Variants in ACSBG1 observed in about 807,000 individuals in gnomAD.
ACSBG1 encodes long-chain-fatty-acid--CoA ligase ACSBG1.
Under a neutral mutation model 80.2 loss-of-function variants are expected in ACSBG1, and 39 were observed. That is an observed-to-expected ratio of 0.49 (90% CI 0.38 to 0.64). The LOEUF is 0.64. Ranked by LOEUF, ACSBG1 falls within the 30% of genes least tolerant of loss-of-function variation. The probability of loss-of-function intolerance (pLI) is 0.00; values close to 1 mark genes in which losing one functional copy is unlikely to be tolerated. For missense variants in ACSBG1, 828 were observed against 966.4 expected (o/e 0.86, Z 1.90); for synonymous variants, 392 against 379.5 (o/e 1.03, Z -0.38).
At chr15:78,217,240 T>C (rs2075319553) in intron 1 of ACSBG1, among the ~76,000 whole-genome samples, 1 of 152,208 alleles carries the variant, frequency 6.6e-6, no homozygotes, top group African/African-American at 2.4e-5. Flanking sequence ...CAGACAATGT[T>C]TTATGCACCT....
chr15:78,221,049 C>T (rs1381338271), intron 1 of ACSBG1, among the ~76,000 whole-genome samples: 1 of 152,212 alleles, frequency 6.6e-6, no homozygotes, highest in African/African-American at 2.4e-5. Context: ...ATTAAAACAA[C>T]CCTGAAGGGG....
At chr15:78,179,517 G>C in intron 10 of ACSBG1, 33 bp downstream of exon 10, 1 of 1,583,156 alleles carries the variant, frequency 6.3e-7, no homozygotes, top group Non-Finnish European at 8.7e-7. Context: ...AGGGCGCATG[G>C]GTGTGCATGT....
At chr15:78,191,133 C>G (rs28528750) in intron 5 of ACSBG1, among the ~76,000 whole-genome samples, 15,610 of 152,158 alleles carry the variant, frequency 0.1, 988 homozygotes, top group South Asian at 0.21. Context: ...AGGCAAAATA[C>G]TTTTGGAACA....
At position 78,173,605 on chromosome 15, in the gene ACSBG1, C is replaced by T. The variant is rs757257520; in HGVS notation, c.2077G>A (p.Gly693Ser). The T allele has an allele frequency of 1.9e-6, 3 of 1,614,168 alleles. No homozygotes were observed. The highest frequency in any genetic ancestry group is 3.3e-5 in the Admixed American group (2 of 60,024). ...AILERDFSIS[G>S]GELGPTMKLK... ...AGGAAAAACCTACCCAACTCTCCAC[C>T]CGAAATGGAGAAGTCTCTCTCGAGA... The change falls in exon 13 of 14, where the codon GGT (glycine) becomes AGT (serine). Residue 693 changes from glycine to serine, a missense_variant. Transcript: ENST00000258873.
chr15:78,215,967 G>A (rs1488074981), intron 1 of ACSBG1, among the ~76,000 whole-genome samples: 3 of 152,166 alleles, frequency 2.0e-5, no homozygotes, highest in Non-Finnish European at 4.4e-5. Flanking sequence ...TTCAAAGCTC[G>A]CCTTCTCTGG....
chr15:78,226,700 C>A, intron 1 of ACSBG1: 1 of 151,544 alleles, frequency 6.6e-6, no homozygotes. Flanking sequence ...GGAAGAAAAT[C>A]AAGAAATAGG....
At chr15:78,179,042 G>A in intron 10 of ACSBG1, 1 of 582,898 alleles carries the variant, frequency 1.7e-6, no homozygotes, top group Non-Finnish European at 3.0e-6. Flanking sequence ...CAAATGAAAT[G>A]GTAATGGTAG....
chr15:78,181,978 G>A lies in ACSBG1; in HGVS notation c.1062C>T (p.Asp354=), dbSNP rs745876684. The A allele has an allele frequency of 1.8e-5, 29 of 1,613,672 alleles. No homozygotes were observed. The highest frequency in any genetic ancestry group is 1.6e-4 in the Middle Eastern group (1 of 6,080). The change falls in exon 8 of 14, where the codon GAC becomes GAT. Residue 354 remains aspartate, a synonymous_variant. Coordinates refer to ENST00000258873, the MANE Select transcript of ACSBG1 (RefSeq NM_015162.5). ...GTAAAGGCAGACTGACCTTCAGGGCGTCGGGTTCGGCAAAGCAAACCTGGG... is the reference window on the plus strand; with the variant it reads ...GTAAAGGCAGACTGACCTTCAGGGCATCGGGTTCGGCAAAGCAAACCTGGG... The part of the protein sequence containing the change: ...WGAQVCFAEP[D]ALKGSLVNTL...
At chr15:78,215,654 AAAAG>A (rs1567096139) in intron 1 of ACSBG1, among the ~76,000 whole-genome samples, 1 of 151,728 alleles carries the variant, frequency 6.6e-6, no homozygotes, top group Non-Finnish European at 1.5e-5. Context: ...AAAACTTCGA[AAAAG>A]AAAGAAAAGA....
rs956296842 is a variant in ACSBG1, at chr15:78,221,688, G to A, written c.131+12683C>T. Reference sequence around the variant, plus strand: ...AGGCCATATCTCAGGCTGTCTCAGTGGGGGGAAACTTTGGACAATACCCAG... The same window carrying A: ...AGGCCATATCTCAGGCTGTCTCAGTAGGGGGAAACTTTGGACAATACCCAG... On this transcript the variant is annotated intron_variant, in intron 1 of 13. Transcript: ENST00000258873. Among the ~76,000 whole-genome samples the A allele has an allele frequency of 3.3e-5, 5 of 152,122 alleles. No homozygotes were observed. In the South Asian group the frequency reaches 6.2e-4, roughly 19 times the overall value.
rs771299655 is a variant in ACSBG1, at chr15:78,234,506, C to T, written c.-5G>A. 4 of 1,609,134 alleles carry T rather than the reference C, an allele frequency of 2.5e-6. No individual in the cohort carries two copies. In the South Asian group the frequency reaches 3.3e-5, roughly 13 times the overall value. On this transcript the variant is annotated 5_prime_UTR_variant, in exon 1 of 14. Transcript: ENST00000258873. ...AGCTCCAGAATTGCGTGGCATCTGC[C>T]TCGGGCTTCCACTGAAGACAGCTCA...
In ACSBG1 at chr15:78,172,183, C is replaced by G. The variant is rs2074832279; in HGVS notation, c.2090-654G>C. Among the ~76,000 whole-genome samples the G allele has an allele frequency of 6.6e-6, 1 of 152,262 alleles. No individual in the cohort carries two copies. The highest frequency in any genetic ancestry group is 2.1e-4 in the South Asian group (1 of 4,836). ...TGACTGTAATCCCGTGAGACCCAAG[C>G]CAGAACCACTCAGCTAAGCTGTTCC... On this transcript the variant is annotated intron_variant, in intron 13 of 13. Coordinates refer to ENST00000258873, the MANE Select transcript of ACSBG1 (RefSeq NM_015162.5). The surrounding 1 kb of genome is among the most constrained non-coding windows in gnomAD (Gnocchi z 4.1).
chr15:78,204,235 C>A (rs934796731), intron 2 of ACSBG1, among the ~76,000 whole-genome samples: 7 of 152,376 alleles, frequency 4.6e-5, no homozygotes, highest in African/African-American at 1.4e-4. Flanking sequence ...CGCTTCTCCA[C>A]AGTCATTGTT....
intron 8 of ACSBG1, 79 bp downstream of exon 8, chr15:78,181,890 T>A: frequency 6.5e-7 from 1 of 1,528,238 alleles, no homozygotes; most frequent in Non-Finnish European, 8.9e-7. Context: ...CACACACAAA[T>A]GCACTCAGGG....
intron 5 of ACSBG1, among the ~76,000 whole-genome samples, chr15:78,191,225 G>A (rs530235151): frequency 1.2e-4 from 18 of 152,254 alleles, no homozygotes; most frequent in African/African-American, 3.6e-4. Flanking sequence ...ATCTAAACAC[G>A]TATATGCCTA....
rs556016906 is a variant in ACSBG1 at position 78,172,566 on chromosome 15, A to T, written c.2089+1027T>A. On this transcript the variant is annotated intron_variant, in intron 13 of 13. Coordinates refer to ENST00000258873, the MANE Select transcript of ACSBG1 (RefSeq NM_015162.5). This position sits in a 1 kb window ranked among gnomAD's most constrained non-coding sequence, Gnocchi z 4.1. ...TGTGTAACTGGAAACTTTCTGTGTT[A>T]AAGTCATTATATTAACTGCTTAGTG... Among the ~76,000 whole-genome samples the T allele has an allele frequency of 6.6e-6, 1 of 152,348 alleles. No individual in the cohort carries two copies. The highest frequency in any genetic ancestry group is 6.5e-5 in the Admixed American group (1 of 15,302).
intron 10 of ACSBG1, chr15:78,179,044 T>G: frequency 1.7e-6 from 1 of 578,106 alleles, no homozygotes; most frequent in Non-Finnish European, 3.1e-6. Context: ...AATGAAATGG[T>G]AATGGTAGAA....
chr15:78,180,606 C>T, intron 9 of ACSBG1, 149 bp downstream of exon 9: 1 of 987,156 alleles, frequency 1.0e-6, no homozygotes, highest in Non-Finnish European at 1.4e-6. Context: ...AGCTCAAGCC[C>T]AGTCATTGAT....
rs1253202066 is a variant in ACSBG1, at chr15:78,194,663, G to A, written c.296C>T (p.Pro99Leu). The change falls in exon 3 of 14, where the codon CCA (proline) becomes CTA (leucine). Residue 99 changes from proline (P) to leucine (L), a missense_variant. Transcript: ENST00000258873. Reference sequence around the variant, plus strand: ...CCGATGCACAGTGTAGGGAAGCTGTGGGCAGCTGGGGTCTATGCGCAGGCG... The same window carrying A: ...CCGATGCACAGTGTAGGGAAGCTGTAGGCAGCTGGGGTCTATGCGCAGGCG... ...RVRLRIDPSCPQLPYTVHRMF... is the reference protein window; with the variant it reads ...RVRLRIDPSCLQLPYTVHRMF... 9 of 1,614,100 alleles carry A rather than the reference G, an allele frequency of 5.6e-6. No individual in the cohort carries two copies. The highest frequency in any genetic ancestry group is 7.6e-6 in the Non-Finnish European group (9 of 1,180,050).
Sources: allele counts gnomAD v4.1 joint callset (sites outside exome capture counted in the v4.1 genomes callset), GRCh38; gene constraint gnomAD v4.1.1; non-coding constraint Gnocchi (gnomAD v3.1); transcripts MANE v1.5; gene names NCBI Gene and HGNC (gene_info 2026-07-23, HGNC 2026-07-21).